NR2F1: variants seen among roughly 807,000 people sequenced by gnomAD.
The protein encoded by NR2F1 is COUP transcription factor 1.
A neutral mutation model predicts 37.7 loss-of-function variants in NR2F1; 1 was observed. The observed-to-expected ratio is 0.03, with a 90% CI of 0.01 to 0.13. NR2F1 has a LOEUF of 0.13. Among genes scored for constraint, NR2F1 ranks in the 10% least tolerant of loss-of-function variants. The pLI, the probability that NR2F1 is intolerant of heterozygous loss-of-function variation, is 1.00. For synonymous variants in NR2F1, 275 were observed against 259.6 expected (o/e 1.06, Z -0.57); for missense variants, 268 against 578.4 (o/e 0.46, Z 5.50).
Position 93,584,949 on chromosome 5 carries a change from T to A in NR2F1, c.-75T>A. ...TCCCCCCTTCCCCTTCCCCTTCCCC[T>A]CCCAGCGCGCCCGCGCGCCCCGCGG... On this transcript the variant is annotated 5_prime_UTR_variant, in exon 1 of 3. Transcript: ENST00000327111. 6.5e-6 allele frequency: 1 copy of A among 154,146 alleles called. No homozygotes were observed. Among genetic ancestry groups the A allele is most frequent in the Non-Finnish European group, 8.2e-6 (1 of 121,670 alleles). The allele number at this position is 154,146 out of a possible 1,614,324, so 9.5% of individuals were successfully genotyped here. A position where few individuals can be genotyped will look rare whatever the true frequency, so the allele number is the denominator to read the frequency against.
In NR2F1 at chr5:93,587,970, C is replaced by T. The variant is rs768294672; in HGVS notation, c.517C>T (p.Leu173Phe). Reference sequence around the variant, plus strand: ...CCAGCCCAATCCAGGCCAGTACGCACTCACCAACGGGGACCCCCTCAACGG... The same window carrying T: ...CCAGCCCAATCCAGGCCAGTACGCATTCACCAACGGGGACCCCCTCAACGG... ...PTQPNPGQYA[L>F]TNGDPLNGHC... The change falls in exon 2 of 3, where the codon CTC becomes TTC. Residue 173 changes from leucine (L) to phenylalanine (F), a missense_variant. Leu to Phe is a conservative substitution (Grantham distance 22, BLOSUM62 0). Around this residue, in one of 5 missense-constraint regions of NR2F1, gnomAD observed 42 missense variants for 72.5 expected, o/e 0.58. Coordinates refer to ENST00000327111, the MANE Select transcript of NR2F1 (RefSeq NM_005654.6). The T allele has an allele frequency of 3.1e-6, 5 of 1,611,160 alleles. No homozygotes were observed. Among genetic ancestry groups the T allele is most frequent in the Non-Finnish European group, 3.4e-6 (4 of 1,178,274 alleles).
intron 2 of NR2F1, among the ~76,000 whole-genome samples, chr5:93,590,329 G>T (rs1309725225): frequency 6.6e-6 from 1 of 152,078 alleles, no homozygotes; most frequent in Non-Finnish European, 1.5e-5. Flanking sequence ...GAACCCCCTT[G>T]ACTTTGCTAA....
intron 2 of NR2F1, among the ~76,000 whole-genome samples, chr5:93,591,704 C>T (rs1017271988): frequency 3.3e-5 from 5 of 152,162 alleles, no homozygotes; most frequent in South Asian, 2.1e-4. Context: ...AAAAATCTGC[C>T]GGGATACCAA....
intron 2 of NR2F1, among the ~76,000 whole-genome samples, chr5:93,592,847 T>C (rs1030121692): frequency 1.3e-5 from 2 of 152,002 alleles, no homozygotes; most frequent in African/African-American, 2.4e-5. Flanking sequence ...TGATCTAAGG[T>C]ATAGATAGAA....
intron 2 of NR2F1, among the ~76,000 whole-genome samples, chr5:93,589,054 C>T (rs1408820240): frequency 6.6e-6 from 1 of 152,100 alleles, no homozygotes; most frequent in Non-Finnish European, 1.5e-5. Flanking sequence ...GGAAACCATT[C>T]ATGTTTGCAG....
chr5:93,584,343 C>A lies in NR2F1; in HGVS notation c.-681C>A. ...CCTCCGCCGCCGCCGCCGCCTCCGC[C>A]CTCGCCGGCTTCCTCTATGTCGGCT... is the stretch of plus-strand genomic sequence containing the variant. On this transcript the variant is annotated 5_prime_UTR_variant, in exon 1 of 3. Coordinates refer to ENST00000327111, the MANE Select transcript of NR2F1 (RefSeq NM_005654.6). The A allele has an allele frequency of 1.3e-5, 2 of 150,274 alleles. No individual in the cohort carries two copies. Among genetic ancestry groups the A allele is most frequent in the South Asian group, 3.6e-4 (2 of 5,560 alleles). 9.3% of individuals were successfully genotyped at this position (150,274 alleles called of 1,614,324 possible).
chr5:93,583,522 TAAAGAA>T lies in NR2F1; in HGVS notation c.-1498_-1493del, dbSNP rs1463131483. Reference sequence around the variant, plus strand: ...CCTGCAGAAGAGAGAGGGCTAAACTTAAAGAAAAAAAAAAGGAGGAGGAGGAGGAGG... The same window carrying T: ...CCTGCAGAAGAGAGAGGGCTAAACTTAAAAAAAAGGAGGAGGAGGAGGAGG... On this transcript the variant is annotated 5_prime_UTR_variant, in exon 1 of 3. Coordinates refer to ENST00000327111, the MANE Select transcript of NR2F1 (RefSeq NM_005654.6). The T allele has an allele frequency of 6.6e-6, 1 of 151,428 alleles. No homozygotes were observed. Among genetic ancestry groups the T allele is most frequent in the Non-Finnish European group, 1.5e-5 (1 of 67,848 alleles). 9.4% of individuals were successfully genotyped at this position (151,428 alleles called of 1,614,324 possible).
intron 2 of NR2F1, among the ~76,000 whole-genome samples, 154 bp downstream of exon 2, chr5:93,588,598 G>A (rs1753274631): frequency 6.7e-6 from 1 of 149,664 alleles, no homozygotes; most frequent in African/African-American, 2.4e-5. Flanking sequence ...TGTGACCCCC[G>A]CGCGGTGACC....
intron 1 of NR2F1, among the ~76,000 whole-genome samples, 163 bp from the exon 2 acceptor site, chr5:93,587,754 G>T (rs1212383569): frequency 6.6e-6 from 1 of 152,248 alleles, no homozygotes; most frequent in Non-Finnish European, 1.5e-5. Context: ...CCTCACCCCA[G>T]ATCTCCTAGC....
Position 93,584,979 on chromosome 5 carries a change from C to T in NR2F1, c.-45C>T. On this transcript the variant is annotated 5_prime_UTR_variant, in exon 1 of 3. Coordinates refer to ENST00000327111, the MANE Select transcript of NR2F1 (RefSeq NM_005654.6). ...GCGCGCCCGCGCGCCCCGCGGCCCTCGGCGAGCAGCTCGGCTCCCCCCAGC... is the reference window on the plus strand; with the variant it reads ...GCGCGCCCGCGCGCCCCGCGGCCCTTGGCGAGCAGCTCGGCTCCCCCCAGC... 9 of 952,108 alleles carry T rather than the reference C, an allele frequency of 9.5e-6. No individual in the cohort carries two copies. The highest frequency in any genetic ancestry group is 1.1e-5 in the Non-Finnish European group (9 of 799,780). 59.0% of individuals were successfully genotyped at this position (952,108 alleles called of 1,614,324 possible).
rs1403487437 is a variant in NR2F1 at position 93,583,358 on chromosome 5, CCTCCTCTCCTCTCTCT to C, written c.-1657_-1642del. 6.8e-6 allele frequency: 1 copy of C among 147,866 alleles called. No individual in the cohort carries two copies. The highest frequency in any genetic ancestry group is 2.5e-5 in the African/African-American group (1 of 39,980). The allele number at this position is 147,866 out of a possible 1,614,324, so 9.2% of individuals were successfully genotyped here. On this transcript the variant is annotated 5_prime_UTR_variant, in exon 1 of 3. Coordinates refer to ENST00000327111, the MANE Select transcript of NR2F1 (RefSeq NM_005654.6). ...CTCTCCTCTTTCTCCCCCCTCTCTC[CCTCCTCTCCTCTCTCT>C]CTCCTCTCTTCTCTGAACCTCTCTT...
Position 93,587,909 on chromosome 5 carries a change from T to G in NR2F1, c.464-8T>G. On this transcript the variant is annotated splice_polypyrimidine_tract_variant and splice_region_variant and intron_variant, in intron 1 of 2. Coordinates refer to ENST00000327111, the MANE Select transcript of NR2F1 (RefSeq NM_005654.6). ...ACATTGCCTCTTTTCTCTCTTTCTT[T>G]TTGTCAGCGGTTCAGCGAGGAAGAA... 6.5e-7 allele frequency: 1 copy of G among 1,549,236 alleles called. No individual in the cohort carries two copies. Among genetic ancestry groups the G allele is most frequent in the Non-Finnish European group, 8.7e-7 (1 of 1,145,270 alleles).
chr5:93,588,897 C>T (rs936819097), intron 2 of NR2F1, among the ~76,000 whole-genome samples: 1 of 151,938 alleles, frequency 6.6e-6, no homozygotes, highest in South Asian at 2.1e-4. Flanking sequence ...AGGAAGAGAA[C>T]GTGGGAATGT....
chr5:93,588,264 C>T lies in NR2F1; in HGVS notation c.811C>T (p.Leu271=), dbSNP rs777533706. The T allele has an allele frequency of 2.0e-5, 32 of 1,613,336 alleles. No individual in the cohort carries two copies. In the African/African-American group the frequency reaches 4.0e-4, roughly 20 times the overall value. ...CAACGCGGCCCAGTGCTCTATGCCG[C>T]TGCACGTGGCGCCGTTGCTGGCCGC... The part of the protein sequence containing the change: ...VLNAAQCSMP[L]HVAPLLAAAG... The change falls in exon 2 of 3, where the codon CTG becomes TTG. Residue 271 remains leucine, a synonymous_variant. Coordinates refer to ENST00000327111, the MANE Select transcript of NR2F1 (RefSeq NM_005654.6).
rs955357162 is a variant in NR2F1 at position 93,594,283 on chromosome 5, A to C, written c.*441A>C. ...CCTATGTAGAAACACACACACACTG[A>C]ACATTGTTATTCATTTTGTAAAATA... On this transcript the variant is annotated 3_prime_UTR_variant, in exon 3 of 3. Transcript: ENST00000327111. 10 of 156,430 alleles carry C rather than the reference A, an allele frequency of 6.4e-5. No individual in the cohort carries two copies. Among genetic ancestry groups the C allele is most frequent in the African/African-American group, 2.4e-4 (10 of 41,632 alleles). The allele number at this position is 156,430 out of a possible 1,614,324, so 9.7% of individuals were successfully genotyped here. A position where few individuals can be genotyped will look rare whatever the true frequency, so the allele number is the denominator to read the frequency against.
chr5:93,587,848 C>T lies in NR2F1; in HGVS notation c.464-69C>T. The T allele has an allele frequency of 2.0e-6, 3 of 1,470,704 alleles. No homozygotes were observed. The South Asian group carries it at 4.0e-5, about 19-fold the overall frequency. 91.1% of individuals were successfully genotyped at this position (1,470,704 alleles called of 1,614,324 possible). Reference sequence around the variant, plus strand: ...GAGCTTCTGCATTGTGTTGGGTACGCTGCGGCGCGGCAATGTTCGCAAGCT... The same window carrying T: ...GAGCTTCTGCATTGTGTTGGGTACGTTGCGGCGCGGCAATGTTCGCAAGCT... On this transcript the variant is annotated intron_variant, in intron 1 of 2. Coordinates refer to ENST00000327111, the MANE Select transcript of NR2F1 (RefSeq NM_005654.6).
At chr5:93,588,682 C>T (rs1433750063) in intron 2 of NR2F1, among the ~76,000 whole-genome samples, 8 of 151,004 alleles carry the variant, frequency 5.3e-5, no homozygotes, top group African/African-American at 1.9e-4. Flanking sequence ...GGCCGGCGGG[C>T]GGCCGGGCCT....
rs183345226 is a variant in NR2F1 at position 93,587,003 on chromosome 5, A to G, written c.464-914A>G. On this transcript the variant is annotated intron_variant, in intron 1 of 2. Coordinates refer to ENST00000327111, the MANE Select transcript of NR2F1 (RefSeq NM_005654.6). ...GTTGTCTTTGTTTATATGGCAATTT[A>G]AAACGCTGGCACTGTTGAAGTAAAA... 14 of 152,014 alleles carry G rather than the reference A, an allele frequency of 9.2e-5. No individual in the cohort carries two copies. The East Asian group carries it at 2.1e-3, about 23-fold the overall frequency. The allele number at this position is 152,014 out of a possible 1,614,324, so 9.4% of individuals were successfully genotyped here.
intron 2 of NR2F1, among the ~76,000 whole-genome samples, chr5:93,591,686 TA>T (rs369455558): frequency 8.8e-4 from 128 of 146,158 alleles, no homozygotes; most frequent in East Asian, 9.9e-4. Flanking sequence ...AGATGGATCT[TA>T]AAAAAAAAAA....
Sources: allele counts gnomAD v4.1 joint callset (sites outside exome capture counted in the v4.1 genomes callset), GRCh38; gene constraint gnomAD v4.1.1; regional missense constraint gnomAD v4.1.1; transcripts MANE v1.5; gene names NCBI Gene and HGNC (gene_info 2026-07-23, HGNC 2026-07-21).